Variants in BRD10 observed in about 807,000 individuals in gnomAD.
BRD10 encodes the protein bromodomain containing 10.
chr9:5,978,104 T>A, the BRD10 span, among the ~76,000 whole-genome samples: 1 of 152,058 alleles, frequency 6.6e-6, no homozygotes. Context: ...ACAAGAAAAT[T>A]GGTTCAATTT....
the BRD10 span, chr9:5,968,096 AATGCAAGAGAAT>A: frequency 6.4e-7 from 1 of 1,566,858 alleles, no homozygotes; most frequent in Non-Finnish European, 8.7e-7. Flanking sequence ...GTAAGACTTG[AATGCAAGAGAAT>A]GAAGACCTTC....
At chr9:5,939,789 G>A in the BRD10 span, among the ~76,000 whole-genome samples, 2 of 152,190 alleles carry the variant, frequency 1.3e-5, no homozygotes, top group Admixed American at 1.3e-4. Context: ...AAATGTCTGT[G>A]CACTGTAGGA....
the BRD10 span, chr9:6,007,992 G>T: frequency 7.8e-7 from 1 of 1,277,448 alleles, no homozygotes; most frequent in Non-Finnish European, 9.9e-7. Flanking sequence ...TGGCGCGCGA[G>T]GAGGGGGGAG....
chr9:5,939,412 A>G, the BRD10 span, among the ~76,000 whole-genome samples: 1 of 152,232 alleles, frequency 6.6e-6, no homozygotes, highest in Non-Finnish European at 1.5e-5. Context: ...TAAAGAAAAT[A>G]CATATATAAC....
the BRD10 span, chr9:5,899,223 A>G: frequency 6.6e-6 from 1 of 152,196 alleles, no homozygotes. Flanking sequence ...CCCATTCCTC[A>G]TTCAGCAAGC....
the BRD10 span, chr9:5,918,875 G>GT: frequency 6.7e-6 from 1 of 149,800 alleles, no homozygotes; most frequent in Admixed American, 6.6e-5. Context: ...AGTAGTATTT[G>GT]TAAGCTGGAA....
the BRD10 span, among the ~76,000 whole-genome samples, chr9:6,005,243 G>A: frequency 2.0e-5 from 3 of 151,660 alleles, no homozygotes; most frequent in Admixed American, 2.0e-4. Flanking sequence ...GGGCGCGGTG[G>A]CTAGGGCCTG....
chr9:5,982,057 A>G, the BRD10 span, among the ~76,000 whole-genome samples: 15 of 148,538 alleles, frequency 1.0e-4, no homozygotes, highest in East Asian at 1.9e-4. Context: ...ATGTGTGTGT[A>G]TATATATATA....
At chr9:5,994,667 C>G in the BRD10 span, among the ~76,000 whole-genome samples, 1 of 152,182 alleles carries the variant, frequency 6.6e-6, no homozygotes, top group South Asian at 2.1e-4. Flanking sequence ...TCTTATCTCC[C>G]TGGACCAATT....
the BRD10 span, among the ~76,000 whole-genome samples, chr9:5,949,629 A>ATG: frequency 6.6e-6 from 1 of 152,188 alleles, no homozygotes; most frequent in Admixed American, 6.5e-5. Flanking sequence ...AATGGGAGCA[A>ATG]GGGCACACTG....
chr9:5,982,958 T>A, the BRD10 span, among the ~76,000 whole-genome samples: 6 of 152,212 alleles, frequency 3.9e-5, no homozygotes, highest in Non-Finnish European at 8.8e-5. Flanking sequence ...ATTGTGGTAT[T>A]GTTATTTTTA....
chr9:5,958,413 C>T, the BRD10 span, among the ~76,000 whole-genome samples: 1 of 152,136 alleles, frequency 6.6e-6, no homozygotes, highest in African/African-American at 2.4e-5. Flanking sequence ...TCATTCTTTA[C>T]CCTTCTCCTT....
chr9:5,969,362 A>G, the BRD10 span: 1 of 1,610,904 alleles, frequency 6.2e-7, no homozygotes, highest in Non-Finnish European at 8.5e-7. Context: ...TGCTTGAGCT[A>G]GAAGTTTTCT....
At chr9:5,911,927 T>A in the BRD10 span, among the ~76,000 whole-genome samples, 2 of 152,232 alleles carry the variant, frequency 1.3e-5, no homozygotes, top group Non-Finnish European at 2.9e-5. Flanking sequence ...CTATGAAGAA[T>A]GTTATTGTTA....
the BRD10 span, chr9:5,922,213 A>G: frequency 1.2e-6 from 2 of 1,614,030 alleles, no homozygotes; most frequent in Non-Finnish European, 1.7e-6. Flanking sequence ...CTTCAGAAGA[A>G]TCAGCAGTCT....
chr9:5,880,697 A>G, the BRD10 span, among the ~76,000 whole-genome samples: 8 of 146,322 alleles, frequency 5.5e-5, no homozygotes, highest in Non-Finnish European at 1.0e-4. Flanking sequence ...CTTTCCTCCA[A>G]CATTACTTTT....
At chr9:5,892,485 A>T in the BRD10 span, 1 of 1,613,528 alleles carries the variant, frequency 6.2e-7, no homozygotes, top group Non-Finnish European at 8.5e-7. Context: ...ATGCCAAGAG[A>T]AGATGCTCAC....
the BRD10 span, among the ~76,000 whole-genome samples, chr9:5,958,831 GA>G: frequency 6.6e-6 from 1 of 152,136 alleles, no homozygotes; most frequent in African/African-American, 2.4e-5. Flanking sequence ...ATTAAACAGT[GA>G]ATTTGCAAAG....
chr9:6,007,477 G>A, the BRD10 span: 1 of 1,611,680 alleles, frequency 6.2e-7, no homozygotes, highest in Non-Finnish European at 8.5e-7. Flanking sequence ...GCCCCCCAAG[G>A]GCTGCAGAAA....
Sources: allele counts gnomAD v4.1 joint callset (sites outside exome capture counted in the v4.1 genomes callset), GRCh38; gene constraint gnomAD v4.1.1; transcripts MANE v1.5; gene names NCBI Gene and HGNC (gene_info 2026-07-23, HGNC 2026-07-21).